PHF20: variants seen among roughly 807,000 people sequenced by gnomAD.
PHF20 encodes glioma-expressed antigen 2.
A neutral mutation model predicts 113.5 loss-of-function variants in PHF20; 23 were observed. The observed-to-expected ratio is 0.20, with a 90% confidence interval of 0.15 to 0.29. PHF20 has a LOEUF of 0.29. PHF20 is among the 10% of genes least tolerant of loss of function. The pLI is 1.00. For missense variants in PHF20, 943 were observed against 1,219.6 expected, an observed-to-expected ratio of 0.77 and a Z score of 3.38; for synonymous variants, 434 against 457.3, an observed-to-expected ratio of 0.95 and a Z score of 0.65.
intron 4 of PHF20, 32 bp downstream of exon 4, chr20:35,847,466 C>CA (rs1568646313): frequency 7.2e-7 from 1 of 1,396,442 alleles, no homozygotes; most frequent in Non-Finnish European, 1.0e-6. Context: ...TGTTTTTACT[C>CA]ATGACTTAGG....
chr20:35,784,162 T>G (rs1313260872), intron 1 of PHF20, among the ~76,000 whole-genome samples: 1 of 151,220 alleles, frequency 6.6e-6, no homozygotes, highest in Non-Finnish European at 1.5e-5. Flanking sequence ...CAAGCGATTC[T>G]CCTGCCTTAA....
At position 35,938,868 on chromosome 20, in the gene PHF20, GCCC is replaced by G; in HGVS notation, c.2474_2476del (p.Pro825del). 1 of 1,614,180 alleles carries G rather than the reference GCCC, an allele frequency of 6.2e-7. No individual in the cohort carries two copies. Among genetic ancestry groups the G allele is most frequent in the Non-Finnish European group, 8.5e-7 (1 of 1,180,012 alleles). ...TGGAGAAGCCCAGGCCCCTGGCCCTGCCCCTGCCGCGTTCTGTGGAGGAATCCT... is the reference window on the plus strand; with the variant it reads ...TGGAGAAGCCCAGGCCCCTGGCCCTGCTGCCGCGTTCTGTGGAGGAATCCT... On this transcript the variant is annotated inframe_deletion, in exon 16 of 18. Coordinates refer to ENST00000374012, the MANE Select transcript of PHF20 (RefSeq NM_016436.5).
intron 15 of PHF20, 116 bp from the exon 16 acceptor site, chr20:35,938,580 GT>G: frequency 1.0e-5 from 10 of 956,094 alleles, no homozygotes; most frequent in Non-Finnish European, 1.6e-5. Context: ...ATGGTAGTGT[GT>G]GGTCAGATGG....
At chr20:35,828,974 A>G (rs888656001) in intron 2 of PHF20, among the ~76,000 whole-genome samples, 9 of 152,188 alleles carry the variant, frequency 5.9e-5, no homozygotes, top group African/African-American at 2.2e-4. Context: ...GGAATTCAGG[A>G]GCGGCGTAAT....
intron 6 of PHF20, among the ~76,000 whole-genome samples, chr20:35,865,266 T>G (rs1034018609): frequency 3.3e-5 from 5 of 151,750 alleles, no homozygotes; most frequent in Non-Finnish European, 7.4e-5. Context: ...TTTGGGAGGC[T>G]GATGAGGGAG....
intron 3 of PHF20, among the ~76,000 whole-genome samples, chr20:35,844,637 G>A (rs914758777): frequency 1.1e-4 from 16 of 150,316 alleles, no homozygotes; most frequent in African/African-American, 3.4e-4. Flanking sequence ...AGAAGATATC[G>A]AGTCCAAAGA....
At chr20:35,809,611 T>C (rs1365668156) in intron 2 of PHF20, among the ~76,000 whole-genome samples, 3 of 147,976 alleles carry the variant, frequency 2.0e-5, no homozygotes, top group African/African-American at 7.5e-5. Flanking sequence ...CAGCTGGGCA[T>C]GGTGACTCAT....
intron 15 of PHF20, among the ~76,000 whole-genome samples, chr20:35,931,784 C>T (rs2055759739): frequency 1.3e-5 from 2 of 151,918 alleles, no homozygotes; most frequent in Admixed American, 6.6e-5. Context: ...AACCCTGTCT[C>T]TACTGAAATT....
At chr20:35,816,303 T>C (rs908754978) in intron 2 of PHF20, among the ~76,000 whole-genome samples, 6 of 152,118 alleles carry the variant, frequency 3.9e-5, no homozygotes, top group Non-Finnish European at 8.8e-5. Context: ...CCTTATTCTG[T>C]GTTATATGTG....
intron 1 of PHF20, among the ~76,000 whole-genome samples, chr20:35,790,499 C>T (rs944333392): frequency 3.9e-5 from 6 of 152,154 alleles, no homozygotes; most frequent in Non-Finnish European, 5.9e-5. Context: ...CCGGGCCTGA[C>T]CTGTGCTAAT....
chr20:35,862,970 C>T (rs772587859), intron 5 of PHF20, 43 bp from the exon 6 acceptor site: 2 of 1,511,990 alleles, frequency 1.3e-6, no homozygotes, highest in Admixed American at 2.3e-5. Flanking sequence ...TTTGTATTTG[C>T]AAGTAATCAC....
chr20:35,853,911 T>A (rs947988214), intron 4 of PHF20, among the ~76,000 whole-genome samples: 9 of 152,020 alleles, frequency 5.9e-5, no homozygotes, highest in African/African-American at 1.9e-4. Context: ...CTCACCATCA[T>A]GCCCAGCTAA....
intron 2 of PHF20, among the ~76,000 whole-genome samples, chr20:35,810,199 G>C (rs2041952644): frequency 1.3e-5 from 2 of 152,048 alleles, no homozygotes; most frequent in South Asian, 4.1e-4. Flanking sequence ...CAAAGTGCTG[G>C]GATTATAGGC....
intron 9 of PHF20, among the ~76,000 whole-genome samples, chr20:35,884,745 C>T (rs6087743): frequency 2.0e-5 from 3 of 152,146 alleles, no homozygotes; most frequent in Non-Finnish European, 2.9e-5. Flanking sequence ...AAAGATTTCC[C>T]TTATACCTTT....
intron 1 of PHF20, among the ~76,000 whole-genome samples, chr20:35,799,140 C>T (rs1231918283): frequency 6.6e-6 from 1 of 151,916 alleles, no homozygotes; most frequent in Non-Finnish European, 1.5e-5. Context: ...ATTGCTTGGG[C>T]AGTGTAGGCT....
chr20:35,811,227 A>AGTAGACATGGG (rs1555919582), intron 2 of PHF20, among the ~76,000 whole-genome samples: 1 of 151,416 alleles, frequency 6.6e-6, no homozygotes, highest in African/African-American at 2.4e-5. Flanking sequence ...TTGTATTTTT[A>AGTAGACATGGG]GTAGACATGG....
At chr20:35,847,198 A>C in intron 3 of PHF20, 152 bp from the exon 4 acceptor site, 1 of 574,418 alleles carries the variant, frequency 1.7e-6, no homozygotes, top group Middle Eastern at 4.6e-4. Flanking sequence ...CCTAGTGTTG[A>C]ACAACAGAAA....
intron 12 of PHF20, chr20:35,917,264 A>G (rs2055421087): frequency 1.6e-6 from 1 of 642,622 alleles, no homozygotes; most frequent in East Asian, 3.3e-5. Context: ...CTCTCAGTGA[A>G]ATGAGGAAGT....
chr20:35,926,616 G>A (rs1252626786), intron 13 of PHF20, among the ~76,000 whole-genome samples: 3 of 152,070 alleles, frequency 2.0e-5, no homozygotes, highest in African/African-American at 7.2e-5. Context: ...TCTTCTCTGA[G>A]CCTTAGTTTC....
Sources: gnomAD v4.1 joint callset for allele counts (sites outside exome capture counted in the v4.1 genomes callset) on GRCh38, gnomAD v4.1.1 for gene constraint, MANE v1.5 for transcripts, NCBI Gene and HGNC (gene_info 2026-07-23, HGNC 2026-07-21) for gene names.